Variants in WDR59 observed in about 807,000 individuals in gnomAD.
WDR59 encodes GATOR2 complex protein WDR59.
In WDR59, 100 loss-of-function variants were observed where a neutral mutation model predicts 131.2. The ratio of observed to expected loss-of-function variants is 0.76; its 90% confidence interval spans 0.65 to 0.90. The LOEUF (loss-of-function observed/expected upper bound fraction) is 0.90. WDR59 is among the 40% of genes least tolerant of loss of function. WDR59 has a pLI of 0.00. For synonymous variants in WDR59, 601 were observed against 466.2 expected, an observed-to-expected ratio of 1.29 and a Z score of -3.72; for missense variants, 1,203 against 1,262.2, an observed-to-expected ratio of 0.95 and a Z score of 0.71.
At chr16:74,883,774 C>A (rs752132564) in intron 25 of WDR59, among the ~76,000 whole-genome samples, 1 of 152,190 alleles carries the variant, frequency 6.6e-6, no homozygotes, top group Non-Finnish European at 1.5e-5. Context: ...TGCACTCTTC[C>A]TTCCCAGCCC....
chr16:74,958,494 G>A (rs1020194318), intron 2 of WDR59, among the ~76,000 whole-genome samples: 76 of 145,588 alleles, frequency 5.2e-4, no homozygotes, highest in Non-Finnish European at 5.2e-4. Flanking sequence ...TCAGGAGGCT[G>A]AGGCAGGAGA....
At chr16:74,949,428 G>GGGAGGGAGGGAAAGAA (rs200781338) in intron 5 of WDR59, among the ~76,000 whole-genome samples, 5,850 of 148,604 alleles carry the variant, frequency 0.039, 242 homozygotes, top group Admixed American at 0.088. Flanking sequence ...GAGGAAAGGA[G>GGGAGGGAGGGAAAGAA]GGAGGGAGGG....
At chr16:74,940,877 T>C (rs901361302) in intron 7 of WDR59, among the ~76,000 whole-genome samples, 1 of 151,936 alleles carries the variant, frequency 6.6e-6, no homozygotes, top group Non-Finnish European at 1.5e-5. Context: ...AGCTAAATTT[T>C]GTATTTTTAG....
intron 11 of WDR59, 129 bp from the exon 12 acceptor site, chr16:74,916,388 A>G (rs17673200): frequency 6.7e-6 from 8 of 1,196,440 alleles, no homozygotes; most frequent in African/African-American, 1.5e-5. Flanking sequence ...GAGCTGACAT[A>G]ATCAAAATAG....
intron 1 of WDR59, among the ~76,000 whole-genome samples, chr16:74,972,392 C>T (rs1472308111): frequency 6.6e-6 from 1 of 152,134 alleles, no homozygotes; most frequent in African/African-American, 2.4e-5. Context: ...CAACAGTGTT[C>T]TGAAGCACTT....
intron 19 of WDR59, among the ~76,000 whole-genome samples, chr16:74,893,390 C>T (rs1055956609): frequency 1.3e-5 from 2 of 152,072 alleles, no homozygotes; most frequent in African/African-American, 2.4e-5. Flanking sequence ...AGCTTTGCAT[C>T]GGATGAGACC....
rs982048527 is a variant in WDR59 at position 74,871,373 on chromosome 16, T to C, written c.*2836A>G. On this transcript the variant is annotated 3_prime_UTR_variant, in exon 26 of 26. Coordinates refer to ENST00000262144, the MANE Select transcript of WDR59 (RefSeq NM_030581.4). ...AACAAACAAAAGACTCAGGTGCTTG[T>C]AATCATCTATTCTGCGGCTGAGAGA... 6.6e-6 allele frequency: 1 copy of C among 152,192 alleles called. No individual in the cohort carries two copies. Among genetic ancestry groups the C allele is most frequent in the Non-Finnish European group, 1.5e-5 (1 of 68,032 alleles). The allele number at this position is 152,192 out of a possible 1,614,324, so 9.4% of individuals were successfully genotyped here. A position where few individuals can be genotyped will look rare whatever the true frequency, so the allele number is the denominator to read the frequency against.
chr16:74,924,613 AGCCACACAAACTACCTTAGAGACACCTAT>A (rs1299469048), intron 8 of WDR59, among the ~76,000 whole-genome samples: 1 of 152,202 alleles, frequency 6.6e-6, no homozygotes, highest in Admixed American at 6.5e-5. Context: ...ACACAAAGTG[AGCCACACAAACTACCTTAGAGACACCTAT>A]GCTTCTAACG....
chr16:74,915,674 T>A (rs1159395302), intron 13 of WDR59, 196 bp downstream of exon 13: 1 of 641,330 alleles, frequency 1.6e-6, no homozygotes, highest in African/African-American at 1.9e-5. Flanking sequence ...TCTGTCCACC[T>A]CAGACTCCCA....
chr16:74,948,673 A>G (rs1226570482), intron 5 of WDR59, 117 bp from the exon 6 acceptor site: 2 of 853,692 alleles, frequency 2.3e-6, no homozygotes, highest in Non-Finnish European at 3.9e-6. Flanking sequence ...TGGAGTAGGT[A>G]GATCCGCTGT....
At chr16:74,883,815 A>G (rs1274009122) in intron 25 of WDR59, among the ~76,000 whole-genome samples, 1 of 152,128 alleles carries the variant, frequency 6.6e-6, no homozygotes, top group Non-Finnish European at 1.5e-5. Flanking sequence ...CCATTCCCAC[A>G]GCTGGAATGC....
At position 74,888,308 on chromosome 16, in the gene WDR59, T is replaced by C. The variant is rs755993642; in HGVS notation, c.2207A>G (p.Tyr736Cys). Residue 736 changes from tyrosine to cysteine, a missense_variant, in exon 22 of 26, where the codon TAT becomes TGT. Physicochemically the swap from Tyr to Cys is radical, Grantham distance 194. Coordinates refer to ENST00000262144, the MANE Select transcript of WDR59 (RefSeq NM_030581.4). ...TGTCTGAACATCCCGGAGCCGGCAA[T>C]AGTGAGCCAACCTGAGGAAAAGATA... Reference protein sequence around the residue: ...RQLLESLLAHYCRLRDVQTLA... With the variant: ...RQLLESLLAHCCRLRDVQTLA... 1.4e-5 allele frequency: 22 copies of C among 1,612,232 alleles called. No individual in the cohort carries two copies. Among genetic ancestry groups the C allele is most frequent in the Middle Eastern group, 1.6e-4 (1 of 6,078 alleles).
At chr16:74,928,517 C>A (rs1171704380) in intron 8 of WDR59, among the ~76,000 whole-genome samples, 1 of 151,996 alleles carries the variant, frequency 6.6e-6, no homozygotes, top group African/African-American at 2.4e-5. Flanking sequence ...CTGCGCCCAG[C>A]TTTTTTCCCT....
rs1402737906 is a variant in WDR59 at position 74,973,325 on chromosome 16, G to A, written c.55-7503C>T. ...TTAGATTGGGGTTGGCGGGGGGGCC[G>A]GTCTCTCTCCATCACCCCAGCTGGA... On this transcript the variant is annotated intron_variant, in intron 1 of 25. Transcript: ENST00000262144. Among the ~76,000 whole-genome samples, 11 of 152,134 alleles carry A rather than the reference G, an allele frequency of 7.2e-5. No individual in the cohort carries two copies. The South Asian group carries it at 8.3e-4, about 11-fold the overall frequency.
intron 25 of WDR59, among the ~76,000 whole-genome samples, chr16:74,875,154 C>T (rs1178042965): frequency 4.6e-5 from 7 of 152,224 alleles, no homozygotes; most frequent in Non-Finnish European, 1.0e-4. Context: ...ACGCCTGCTA[C>T]TGCCCACTCG....
intron 10 of WDR59, among the ~76,000 whole-genome samples, chr16:74,919,313 T>G (rs147820152): frequency 6.6e-6 from 1 of 151,938 alleles, no homozygotes; most frequent in East Asian, 1.9e-4. Context: ...CAATTTGCTC[T>G]TGGAACACCT....
In WDR59 at chr16:74,940,294, G is replaced by A. The variant is rs931384268; in HGVS notation, c.535-2028C>T. On this transcript the variant is annotated intron_variant, in intron 7 of 25. Transcript: ENST00000262144. ...CTCGGGAGGCTGAGGCAGGAGAATCGCTTGAACCTGGGAGGTGGAGGTTGC... is the reference window on the plus strand; with the variant it reads ...CTCGGGAGGCTGAGGCAGGAGAATCACTTGAACCTGGGAGGTGGAGGTTGC... 1.1e-4 allele frequency among the ~76,000 whole-genome samples: 16 copies of A among 151,474 alleles called. No individual in the cohort carries two copies. In the East Asian group the frequency reaches 2.7e-3, roughly 26 times the overall value.
Position 74,912,282 on chromosome 16 carries a change from T to C in WDR59, c.1305A>G (p.Ala435=), listed in dbSNP as rs373612301. Residue 435 remains alanine, a synonymous_variant, in exon 14 of 26, where the codon GCA becomes GCG. Coordinates refer to ENST00000262144, the MANE Select transcript of WDR59 (RefSeq NM_030581.4). ...AAGGGGCGGCGTTGTTTGGGTACTGTGCAGGGAACTTCACCAGCATCTTGA... is the reference window on the plus strand; with the variant it reads ...AAGGGGCGGCGTTGTTTGGGTACTGCGCAGGGAACTTCACCAGCATCTTGA... ...HRVKMLVKFP[A]QYPNNAAPSF... 1.2e-4 allele frequency: 186 copies of C among 1,614,188 alleles called. 4 individuals are homozygous for C. The South Asian group carries it at 1.3e-3, about 11-fold the overall frequency.
Position 74,886,397 on chromosome 16 carries a change from C to A in WDR59, c.2420-1G>T, listed in dbSNP as rs1405566395. ...GACAAGTGCTCTGCCTCTCTTCCCG[C>A]TGAAGAAAATCAAATGGGAAGGGAA... is the stretch of plus-strand genomic sequence containing the variant. On this transcript the variant is annotated splice_acceptor_variant, in intron 23 of 25. Transcript: ENST00000262144. LOFTEE classifies it high-confidence loss of function. 8 of 1,612,032 alleles carry A rather than the reference C, an allele frequency of 5.0e-6. No homozygotes were observed. The highest frequency in any genetic ancestry group is 5.1e-6 in the Non-Finnish European group (6 of 1,179,554).
Sources: gnomAD v4.1 joint callset for allele counts (sites outside exome capture counted in the v4.1 genomes callset) on GRCh38, gnomAD v4.1.1 for gene constraint, MANE v1.5 for transcripts, NCBI Gene and HGNC (gene_info 2026-07-23, HGNC 2026-07-21) for gene names.